The following PRP4K variants were observed in gnomAD, a reference collection of about 807,000 sequenced individuals.
The protein encoded by PRP4K is pre-mRNA processing factor kinase PRP4K.
chr6:4,054,092 T>A, the PRP4K span, among the ~76,000 whole-genome samples: 5 of 151,886 alleles, frequency 3.3e-5, no homozygotes, highest in Non-Finnish European at 5.9e-5. Flanking sequence ...TAAAAAAAAT[T>A]TTTTTTAGAG....
the PRP4K span, among the ~76,000 whole-genome samples, chr6:4,051,442 G>A: frequency 6.6e-6 from 1 of 151,134 alleles, no homozygotes; most frequent in African/African-American, 2.4e-5. Flanking sequence ...TCAGCCTCCC[G>A]AGTAGCTGGG....
chr6:4,064,424 C>A, the PRP4K span: 8 of 152,462 alleles, frequency 5.2e-5, no homozygotes, highest in African/African-American at 1.9e-4. Context: ...GAAATAAAAT[C>A]TCTGAGATGA....
At chr6:4,032,636 T>G in the PRP4K span, 3 of 1,614,108 alleles carry the variant, frequency 1.9e-6, no homozygotes, top group Non-Finnish European at 2.5e-6. Flanking sequence ...TTTTGAATGA[T>G]AGAAGATCTA....
At chr6:4,057,696 TAACATGAAGCA>T in the PRP4K span, among the ~76,000 whole-genome samples, 60 of 152,114 alleles carry the variant, frequency 3.9e-4, no homozygotes, top group African/African-American at 1.3e-3. Flanking sequence ...AGTTTCTGTT[TAACATGAAGCA>T]AGAATGTAAG....
the PRP4K span, chr6:4,042,488 C>T: frequency 3.1e-5 from 49 of 1,606,042 alleles, no homozygotes; most frequent in Non-Finnish European, 4.2e-5. Context: ...TTCTTTAAGC[C>T]TTGAAGACTT....
At chr6:4,042,466 G>C in the PRP4K span, 1 of 1,554,784 alleles carries the variant, frequency 6.4e-7, no homozygotes, top group Non-Finnish European at 8.8e-7. Flanking sequence ...TCTCTTAAGG[G>C]TGTTTGAATT....
the PRP4K span, among the ~76,000 whole-genome samples, chr6:4,021,882 C>G: frequency 2.0e-5 from 3 of 152,202 alleles, no homozygotes; most frequent in South Asian, 6.2e-4. Context: ...AGCCCTAAGT[C>G]TTTTCTTCCT....
chr6:4,049,265 G>T, the PRP4K span, among the ~76,000 whole-genome samples: 4 of 152,338 alleles, frequency 2.6e-5, no homozygotes, highest in Admixed American at 1.3e-4. Flanking sequence ...GAACTCGTGT[G>T]TATTCTAAAA....
chr6:4,039,514 G>A, the PRP4K span, among the ~76,000 whole-genome samples: 3 of 152,172 alleles, frequency 2.0e-5, no homozygotes, highest in African/African-American at 7.2e-5. Context: ...GGGAGTGGTT[G>A]ACATTTTCCA....
chr6:4,048,425 A>G, the PRP4K span, among the ~76,000 whole-genome samples: 1 of 150,950 alleles, frequency 6.6e-6, no homozygotes, highest in Non-Finnish European at 1.5e-5. Flanking sequence ...ATATATTCTT[A>G]TTTTTCAATT....
chr6:4,028,918 C>T, the PRP4K span, among the ~76,000 whole-genome samples: 3 of 151,866 alleles, frequency 2.0e-5, no homozygotes, highest in Non-Finnish European at 4.4e-5. Flanking sequence ...TCCTGGGCCT[C>T]TGTGACTCCA....
At chr6:4,042,619 G>A in the PRP4K span, 24 of 1,465,454 alleles carry the variant, frequency 1.6e-5, no homozygotes, top group Non-Finnish European at 2.0e-5. Context: ...AGATTTTTTT[G>A]CTTTAACAAA....
chr6:4,025,574 T>C, the PRP4K span, among the ~76,000 whole-genome samples: 1 of 152,218 alleles, frequency 6.6e-6, no homozygotes, highest in Non-Finnish European at 1.5e-5. Context: ...CTACTCATTA[T>C]TTCTTGAGAT....
At chr6:4,055,683 T>TG in the PRP4K span, among the ~76,000 whole-genome samples, 1 of 152,220 alleles carries the variant, frequency 6.6e-6, no homozygotes, top group Non-Finnish European at 1.5e-5. Flanking sequence ...CTGTGTATGT[T>TG]GAAGTATTTA....
the PRP4K span, among the ~76,000 whole-genome samples, chr6:4,034,501 A>G: frequency 4.6e-5 from 7 of 152,102 alleles, no homozygotes; most frequent in Non-Finnish European, 1.0e-4. Context: ...AGTTAGGTCA[A>G]TTTCTACTTC....
the PRP4K span, chr6:4,060,809 T>A: frequency 1.6e-6 from 1 of 617,694 alleles, no homozygotes. The surrounding 1 kb of genome is among the most constrained non-coding windows in gnomAD (Gnocchi z 4.7). Flanking sequence ...TACGTGAAAT[T>A]TCACTGTAGA....
chr6:4,025,969 A>G, the PRP4K span, among the ~76,000 whole-genome samples: 1 of 152,034 alleles, frequency 6.6e-6, no homozygotes, highest in African/African-American at 2.4e-5. Flanking sequence ...TCTATAATAG[A>G]TAGTGTAAAT....
the PRP4K span, among the ~76,000 whole-genome samples, chr6:4,027,736 A>G: frequency 2.0e-5 from 3 of 152,028 alleles, no homozygotes; most frequent in Non-Finnish European, 4.4e-5. Context: ...ATGCCTGAGG[A>G]TCACTTGCCA....
At chr6:4,036,564 G>C in the PRP4K span, among the ~76,000 whole-genome samples, 19 of 151,902 alleles carry the variant, frequency 1.3e-4, no homozygotes, top group Non-Finnish European at 2.4e-4. Context: ...TCTGTCACTT[G>C]GGCTGCAGTG....
Sources: gnomAD v4.1 joint callset for allele counts (sites outside exome capture counted in the v4.1 genomes callset) on GRCh38, gnomAD v4.1.1 for gene constraint, Gnocchi (gnomAD v3.1) non-coding constraint, MANE v1.5 for transcripts, NCBI Gene and HGNC (gene_info 2026-07-23, HGNC 2026-07-21) for gene names.